ABCA13: variants seen among roughly 807,000 people sequenced by gnomAD.
ABCA13 encodes the protein ATP-binding cassette sub-family A member 13.
A neutral mutation model predicts 478.7 loss-of-function variants in ABCA13; 476 were observed. That is an observed-to-expected ratio of 0.99 (90% CI 0.92 to 1.07). The LOEUF is 1.07. ABCA13 is among the 50% of genes least tolerant of loss of function. ABCA13 has a pLI of 0.00. For synonymous variants in ABCA13, 2,252 were observed against 2,158.9 expected, an observed-to-expected ratio of 1.04 and a Z score of -1.20; for missense variants, 6,060 against 5,910.6, an observed-to-expected ratio of 1.03 and a Z score of -0.83.
At chr7:48,461,037 C>T (rs1300562245) in intron 43 of ABCA13, among the ~76,000 whole-genome samples, 2 of 152,210 alleles carry the variant, frequency 1.3e-5, no homozygotes, top group East Asian at 3.8e-4. Context: ...GATTGCTTCA[C>T]TTTGTTTCAG....
chr7:48,414,472 C>T (rs1339645606), intron 41 of ABCA13, among the ~76,000 whole-genome samples: 1 of 151,554 alleles, frequency 6.6e-6, no homozygotes, highest in Non-Finnish European at 1.5e-5. Flanking sequence ...ATGTGCTGAA[C>T]CTTTCCAAAG....
chr7:48,414,157 A>G (rs976678658), intron 41 of ABCA13, among the ~76,000 whole-genome samples: 6 of 152,202 alleles, frequency 3.9e-5, no homozygotes, highest in Admixed American at 1.3e-4. Context: ...CGGTCACTAC[A>G]TCTTTTCTTG....
intron 40 of ABCA13, among the ~76,000 whole-genome samples, chr7:48,411,820 T>C (rs1022581587): frequency 9.2e-5 from 14 of 152,164 alleles, no homozygotes; most frequent in Non-Finnish European, 1.6e-4. Context: ...ACCTCTCCAC[T>C]CTTGATGACT....
At chr7:48,384,713 C>A (rs573126175) in intron 35 of ABCA13, among the ~76,000 whole-genome samples, 77 of 152,278 alleles carry the variant, frequency 5.1e-4, no homozygotes, top group African/African-American at 1.8e-3. Context: ...TCTCAGCCTG[C>A]CATAACAAAG....
intron 20 of ABCA13, among the ~76,000 whole-genome samples, chr7:48,290,284 G>A (rs913624447): frequency 1.3e-5 from 2 of 152,200 alleles, no homozygotes; most frequent in African/African-American, 2.4e-5. Flanking sequence ...AGGTTGGGTG[G>A]GGGCTTCCTA....
rs186536033 is a variant in ABCA13 at position 48,474,601 on chromosome 7, G to A, written c.12975+3002G>A. On this transcript the variant is annotated intron_variant, in intron 45 of 61. Coordinates refer to ENST00000435803, the MANE Select transcript of ABCA13 (RefSeq NM_152701.5). ...TTTGGTCAGATATGGAAATTCCAAA[G>A]AGAATTGGAATGGAGGAGGAACAAG... Among the ~76,000 whole-genome samples the A allele has an allele frequency of 5.4e-3, 819 of 152,304 alleles. 23 individuals carry two copies. Among genetic ancestry groups the A allele is most frequent in the Non-Finnish European group, 2.1e-3 (141 of 68,016 alleles).
intron 1 of ABCA13, among the ~76,000 whole-genome samples, chr7:48,187,030 TATATATCAGTGTATAC>T: frequency 6.7e-6 from 1 of 149,820 alleles, no homozygotes. Flanking sequence ...TATATATATA[TATATATCAGTGTATAC>T]ATATATATAT....
chr7:48,551,483 C>A (rs1213154719), intron 55 of ABCA13, among the ~76,000 whole-genome samples: 1 of 151,792 alleles, frequency 6.6e-6, no homozygotes, highest in Non-Finnish European at 1.5e-5. Context: ...GTTACAGACA[C>A]ATAAATCTAA....
rs1417989759 is a variant in ABCA13, at chr7:48,561,073, A to G, written c.14355-19151A>G. Among the ~76,000 whole-genome samples, 6 of 152,058 alleles carry G rather than the reference A, an allele frequency of 3.9e-5. No individual in the cohort carries two copies. The East Asian group carries it at 7.7e-4, about 20-fold the overall frequency. On this transcript the variant is annotated intron_variant, in intron 55 of 61. Transcript: ENST00000435803. ...GGCTGAATAGTATTCCATTGTATGT[A>G]TATGTATATATATGTATGTATGTAT...
Position 48,391,934 on chromosome 7 carries a change from G to C in ABCA13, c.11668G>C (p.Gly3890Arg). The change falls in exon 38 of 62, where the codon GGG becomes CGG. Residue 3890 changes from glycine to arginine, a missense_variant. Physicochemically the swap from Gly to Arg is moderately radical, Grantham distance 125. This residue lies in a region of ABCA13 where 1,627 missense variants were observed against 1,571.0 expected (regional missense o/e 1.04). Transcript: ENST00000435803. ...TTTCTCTGGCAGATCCATGTTGACG[G>C]GGCTCCACCCTCCCACTTCTGGAAC... is the stretch of plus-strand genomic sequence containing the variant. ...GKTTIISMLT[G>R]LHPPTSGTII... 1 of 1,613,762 alleles carries C rather than the reference G, an allele frequency of 6.2e-7. No individual in the cohort carries two copies. Among genetic ancestry groups the C allele is most frequent in the Non-Finnish European group, 8.5e-7 (1 of 1,179,816 alleles).
intron 29 of ABCA13, among the ~76,000 whole-genome samples, chr7:48,349,551 A>G (rs1407678629): frequency 6.6e-6 from 1 of 152,130 alleles, no homozygotes; most frequent in Non-Finnish European, 1.5e-5. Context: ...CCCTTTACAG[A>G]GCCCCAACAC....
In ABCA13 at chr7:48,179,021, TAAA is replaced by T. The variant is rs1200274685; in HGVS notation, c.69+7472_69+7474del. On this transcript the variant is annotated intron_variant, in intron 1 of 61. Coordinates refer to ENST00000435803, the MANE Select transcript of ABCA13 (RefSeq NM_152701.5). ...ATAATAATAATAATAATAATAATAATAAAAACAAAGACTTACTTTCCCAAGAGG... is the reference window on the plus strand; with the variant it reads ...ATAATAATAATAATAATAATAATAATAACAAAGACTTACTTTCCCAAGAGG... 4.3e-5 allele frequency among the ~76,000 whole-genome samples: 6 copies of T among 139,230 alleles called. No homozygotes were observed. In the East Asian group the frequency reaches 1.2e-3, roughly 29 times the overall value. 91.3% of individuals were successfully genotyped at this position (139,230 alleles called of 152,430 possible). A position where few individuals can be genotyped will look rare whatever the true frequency, so the allele number is the denominator to read the frequency against.
At chr7:48,368,687 GTATATATA>G (rs201820250) in intron 32 of ABCA13, among the ~76,000 whole-genome samples, 3,497 of 122,738 alleles carry the variant, frequency 0.028, 70 homozygotes, top group Middle Eastern at 0.069. Context: ...GTGTGTATGT[GTATATATA>G]TATATATATA....
chr7:48,593,688 T>C (rs1789994086), intron 57 of ABCA13, among the ~76,000 whole-genome samples: 1 of 151,878 alleles, frequency 6.6e-6, no homozygotes, highest in Non-Finnish European at 1.5e-5. Flanking sequence ...ATAAGACAGG[T>C]ATTGTGTCAA....
intron 1 of ABCA13, among the ~76,000 whole-genome samples, chr7:48,186,102 A>G (rs1796320451): frequency 6.6e-6 from 1 of 151,886 alleles, no homozygotes. Context: ...TTATATTTTA[A>G]TTACAGCCAT....
intron 55 of ABCA13, among the ~76,000 whole-genome samples, chr7:48,562,186 T>C (rs891818687): frequency 2.0e-4 from 31 of 152,074 alleles, no homozygotes; most frequent in Non-Finnish European, 4.4e-4. Context: ...CTTATTATGA[T>C]CTGAGCTGCA....
chr7:48,244,560 T>G lies in ABCA13; in HGVS notation c.1263-16T>G. 1.2e-6 allele frequency: 2 copies of G among 1,607,928 alleles called. No homozygotes were observed. Among genetic ancestry groups the G allele is most frequent in the African/African-American group, 1.3e-5 (1 of 74,872 alleles). On this transcript the variant is annotated splice_polypyrimidine_tract_variant and intron_variant, in intron 10 of 61. Transcript: ENST00000435803. Reference sequence around the variant, plus strand: ...CTACTTTTCATTTTATTTCATTTATTTATTTTTGCCCTCAGATTACAGCAT... The same window carrying G: ...CTACTTTTCATTTTATTTCATTTATGTATTTTTGCCCTCAGATTACAGCAT...
intron 33 of ABCA13, among the ~76,000 whole-genome samples, chr7:48,373,476 A>G (rs1229134511): frequency 6.6e-6 from 1 of 152,242 alleles, no homozygotes; most frequent in East Asian, 1.9e-4. Flanking sequence ...TGCTCACAAC[A>G]AAGATATACA....
intron 48 of ABCA13, among the ~76,000 whole-genome samples, chr7:48,505,578 A>C (rs1481493961): frequency 6.6e-6 from 1 of 152,208 alleles, no homozygotes; most frequent in Non-Finnish European, 1.5e-5. Flanking sequence ...CTCCACATAC[A>C]AGCCACACAT....
Sources: gnomAD v4.1 joint callset for allele counts (sites outside exome capture counted in the v4.1 genomes callset) on GRCh38, gnomAD v4.1.1 for gene constraint, gnomAD v4.1.1 regional missense constraint, MANE v1.5 for transcripts, NCBI Gene and HGNC (gene_info 2026-07-23, HGNC 2026-07-21) for gene names.